The following QTMAN variants were observed in gnomAD, a reference collection of about 807,000 sequenced individuals.
QTMAN encodes queuosine-tRNA mannosyltransferase.
the QTMAN span, among the ~76,000 whole-genome samples, chr2:144,264,541 C>T: frequency 6.6e-6 from 1 of 152,194 alleles, no homozygotes; most frequent in Non-Finnish European, 1.5e-5. Flanking sequence ...CCCCTGCTTC[C>T]TTAGCTCTTG....
the QTMAN span, among the ~76,000 whole-genome samples, chr2:144,161,309 G>C: frequency 6.6e-6 from 1 of 152,154 alleles, no homozygotes; most frequent in Non-Finnish European, 1.5e-5. Context: ...TCAATTCCCT[G>C]TGGCTGTCTT....
the QTMAN span, among the ~76,000 whole-genome samples, chr2:144,281,876 G>C: frequency 3.9e-5 from 6 of 152,094 alleles, no homozygotes; most frequent in Admixed American, 3.9e-4. Flanking sequence ...TTTTATTTTA[G>C]GTTCAGGGGT....
At chr2:144,102,606 T>C in the QTMAN span, among the ~76,000 whole-genome samples, 1 of 152,192 alleles carries the variant, frequency 6.6e-6, no homozygotes, top group African/African-American at 2.4e-5. Flanking sequence ...ATGTGCACTG[T>C]TGGATATGCT....
At chr2:144,123,883 A>G in the QTMAN span, among the ~76,000 whole-genome samples, 1 of 152,304 alleles carries the variant, frequency 6.6e-6, no homozygotes, top group South Asian at 2.1e-4. Context: ...GGAATAAGAC[A>G]AAGATATAGG....
chr2:144,264,775 G>A, the QTMAN span, among the ~76,000 whole-genome samples: 1 of 152,210 alleles, frequency 6.6e-6, no homozygotes, highest in Non-Finnish European at 1.5e-5. Context: ...TAGTGGGTAA[G>A]ACTGCCTCAA....
At chr2:144,226,160 T>C in the QTMAN span, among the ~76,000 whole-genome samples, 1 of 152,082 alleles carries the variant, frequency 6.6e-6, no homozygotes, top group Admixed American at 6.6e-5. Context: ...AATAGAAAGA[T>C]AAAGACAGTA....
At chr2:144,040,032 A>G in the QTMAN span, among the ~76,000 whole-genome samples, 1 of 152,302 alleles carries the variant, frequency 6.6e-6, no homozygotes, top group South Asian at 2.1e-4. Context: ...ATGTATTCTC[A>G]GTTTTTAATA....
At chr2:144,182,806 AT>A in the QTMAN span, among the ~76,000 whole-genome samples, 4 of 14,090 alleles carry the variant, frequency 2.8e-4, no homozygotes, top group African/African-American at 4.4e-4. Context: ...TATTATATAT[AT>A]AATATATATA....
chr2:144,097,027 T>C, the QTMAN span, among the ~76,000 whole-genome samples: 2 of 152,370 alleles, frequency 1.3e-5, no homozygotes, highest in Non-Finnish European at 2.9e-5. Context: ...TAAAGTTGTA[T>C]TATTTTATCC....
At chr2:144,257,674 T>TAA in the QTMAN span, among the ~76,000 whole-genome samples, 2 of 152,324 alleles carry the variant, frequency 1.3e-5, no homozygotes, top group South Asian at 4.1e-4. Context: ...GCACTTCATT[T>TAA]AACCCCTCTC....
the QTMAN span, among the ~76,000 whole-genome samples, chr2:144,303,493 G>GT: frequency 6.6e-6 from 1 of 152,036 alleles, no homozygotes. Context: ...TAGGAGAGGA[G>GT]TATTTTCAAA....
chr2:144,155,894 G>A, the QTMAN span, among the ~76,000 whole-genome samples: 3 of 150,176 alleles, frequency 2.0e-5, no homozygotes, highest in African/African-American at 7.3e-5. Flanking sequence ...AGCTGTTCCT[G>A]ACAACCATGA....
chr2:144,307,429 C>T, the QTMAN span, among the ~76,000 whole-genome samples: 17 of 152,074 alleles, frequency 1.1e-4, no homozygotes, highest in Admixed American at 6.5e-4. Context: ...TCACTCTCAC[C>T]GCTTCTATTT....
At chr2:144,159,048 TA>T in the QTMAN span, among the ~76,000 whole-genome samples, 1 of 152,030 alleles carries the variant, frequency 6.6e-6, no homozygotes, top group Non-Finnish European at 1.5e-5. Flanking sequence ...TGATTTGCAA[TA>T]ATACAAAAAG....
the QTMAN span, among the ~76,000 whole-genome samples, chr2:144,146,574 C>G: frequency 2.0e-5 from 3 of 151,666 alleles, no homozygotes; most frequent in Admixed American, 2.0e-4. Context: ...GACAGCTCAG[C>G]AGGATAAATG....
chr2:144,294,059 C>G, the QTMAN span, among the ~76,000 whole-genome samples: 1,305 of 152,348 alleles, frequency 8.6e-3, 8 homozygotes, highest in Non-Finnish European at 0.013. Flanking sequence ...CCAAAACCCT[C>G]TGGAAATCTA....
the QTMAN span, among the ~76,000 whole-genome samples, chr2:144,185,087 G>GA: frequency 6.6e-6 from 1 of 152,032 alleles, no homozygotes; most frequent in Non-Finnish European, 1.5e-5. Flanking sequence ...TATACAAACA[G>GA]AAAAAATATT....
chr2:144,089,869 G>T, the QTMAN span, among the ~76,000 whole-genome samples: 3 of 151,786 alleles, frequency 2.0e-5, no homozygotes, highest in Non-Finnish European at 2.9e-5. Context: ...CCAGAGTAGG[G>T]CTATATACTT....
chr2:144,120,952 T>C, the QTMAN span, among the ~76,000 whole-genome samples: 7 of 152,340 alleles, frequency 4.6e-5, no homozygotes, highest in East Asian at 1.3e-3. Flanking sequence ...GGGATCAGCA[T>C]CTCAGTAATA....
Sources: gnomAD v4.1 joint callset for allele counts (sites outside exome capture counted in the v4.1 genomes callset) on GRCh38, gnomAD v4.1.1 for gene constraint, MANE v1.5 for transcripts, NCBI Gene and HGNC (gene_info 2026-07-23, HGNC 2026-07-21) for gene names.